The following SOCS5 variants were observed in gnomAD, a reference collection of about 807,000 sequenced individuals.
SOCS5 encodes the protein CIS-6.
SOCS5 carries 32 observed loss-of-function variants against 42.8 expected under a neutral mutation model. The observed-to-expected ratio is 0.75, with a 90% CI of 0.56 to 1.01. The LOEUF (loss-of-function observed/expected upper bound fraction) is 1.01. Among genes scored for constraint, SOCS5 ranks in the 50% least tolerant of loss-of-function variants. The pLI, the probability that SOCS5 is intolerant of heterozygous loss-of-function variation, is 0.00. For missense variants in SOCS5, 627 were observed against 653.0 expected (o/e 0.96, Z 0.43); for synonymous variants, 283 against 229.6 (o/e 1.23, Z -2.10).
At chr2:46,730,251 A>G (rs995049763) in intron 1 of SOCS5, among the ~76,000 whole-genome samples, 1 of 152,172 alleles carries the variant, frequency 6.6e-6, no homozygotes, top group Non-Finnish European at 1.5e-5. Flanking sequence ...AAGTTTCAGG[A>G]TATTAATACT....
chr2:46,702,641 T>A (rs1225125181), intron 1 of SOCS5, among the ~76,000 whole-genome samples: 1 of 152,218 alleles, frequency 6.6e-6, no homozygotes, highest in Non-Finnish European at 1.5e-5. Flanking sequence ...CCCTGTTTTC[T>A]ATTAAACGAA....
chr2:46,745,970 C>G (rs943102392), intron 1 of SOCS5, among the ~76,000 whole-genome samples: 6 of 152,036 alleles, frequency 3.9e-5, no homozygotes, highest in Non-Finnish European at 2.9e-5. Context: ...AATTATAATA[C>G]CGTTAACTGT....
At chr2:46,728,163 A>G (rs1673038491) in intron 1 of SOCS5, among the ~76,000 whole-genome samples, 1 of 152,158 alleles carries the variant, frequency 6.6e-6, no homozygotes, top group Non-Finnish European at 1.5e-5. Flanking sequence ...GTGGCAGGAT[A>G]CAAGAGGAGA....
At chr2:46,743,487 G>A (rs1227452450) in intron 1 of SOCS5, among the ~76,000 whole-genome samples, 1 of 152,148 alleles carries the variant, frequency 6.6e-6, no homozygotes, top group African/African-American at 2.4e-5. Flanking sequence ...CAGTGAGGAT[G>A]ACCAGAGATC....
At chr2:46,715,398 GA>G (rs1672716737) in intron 1 of SOCS5, among the ~76,000 whole-genome samples, 1 of 150,398 alleles carries the variant, frequency 6.6e-6, no homozygotes, top group Non-Finnish European at 1.5e-5. Context: ...AAAGAAAAAA[GA>G]AAAATGTCTT....
chr2:46,736,197 A>C (rs973044571), intron 1 of SOCS5, among the ~76,000 whole-genome samples: 1 of 152,014 alleles, frequency 6.6e-6, no homozygotes, highest in Non-Finnish European at 1.5e-5. Flanking sequence ...GTGTGCCACC[A>C]TGCCCAGCTA....
chr2:46,712,152 T>A (rs1344219306), intron 1 of SOCS5, among the ~76,000 whole-genome samples: 4 of 152,172 alleles, frequency 2.6e-5, no homozygotes, highest in Non-Finnish European at 4.4e-5. Flanking sequence ...AATCTATGAA[T>A]TGGAGAAAAT....
intron 1 of SOCS5, among the ~76,000 whole-genome samples, chr2:46,731,206 T>C (rs1673111686): frequency 6.6e-6 from 1 of 152,082 alleles, no homozygotes; most frequent in Non-Finnish European, 1.5e-5. Flanking sequence ...GGTGGAGCCT[T>C]TGAGAGGTGA....
At chr2:46,721,871 G>A (rs191281472) in intron 1 of SOCS5, among the ~76,000 whole-genome samples, 6 of 151,996 alleles carry the variant, frequency 3.9e-5, no homozygotes, top group Non-Finnish European at 5.9e-5. Flanking sequence ...ATCCCAGTCC[G>A]CATTCAAAGT....
At chr2:46,758,193 C>A (rs1452782849) in intron 1 of SOCS5, among the ~76,000 whole-genome samples, 1 of 152,150 alleles carries the variant, frequency 6.6e-6, no homozygotes, top group Non-Finnish European at 1.5e-5. Context: ...TTGTAATATT[C>A]AAATTAAGGA....
intron 1 of SOCS5, among the ~76,000 whole-genome samples, chr2:46,720,957 C>T (rs1672870710): frequency 6.6e-6 from 1 of 152,140 alleles, no homozygotes; most frequent in South Asian, 2.1e-4. Context: ...TGCAGACATC[C>T]TGAGTGAGTC....
intron 1 of SOCS5, among the ~76,000 whole-genome samples, chr2:46,707,525 T>C (rs1672523885): frequency 6.6e-6 from 1 of 152,216 alleles, no homozygotes; most frequent in Admixed American, 6.6e-5. Context: ...CTATTTGATT[T>C]TTCTAAACTA....
intron 1 of SOCS5, among the ~76,000 whole-genome samples, chr2:46,722,162 A>G (rs1208341903): frequency 2.6e-5 from 4 of 152,104 alleles, no homozygotes; most frequent in African/African-American, 7.2e-5. Flanking sequence ...AATAGCCTCT[A>G]TGGGTGGTTG....
At chr2:46,744,234 C>A (rs966635758) in intron 1 of SOCS5, among the ~76,000 whole-genome samples, 1 of 152,162 alleles carries the variant, frequency 6.6e-6, no homozygotes, top group African/African-American at 2.4e-5. Flanking sequence ...AAGTGATCCG[C>A]CTGCCTCGGC....
intron 1 of SOCS5, among the ~76,000 whole-genome samples, chr2:46,701,027 C>G (rs6737848): frequency 0.14 from 21,737 of 152,148 alleles, 2,115 homozygotes; most frequent in East Asian, 0.42. Context: ...TTGGCACCTT[C>G]TTAGTTCTTG....
chr2:46,734,423 T>C (rs1251745310), intron 1 of SOCS5, among the ~76,000 whole-genome samples: 4 of 152,146 alleles, frequency 2.6e-5, no homozygotes, highest in Admixed American at 2.0e-4. Flanking sequence ...TGCATACAGG[T>C]ATAGGCATAT....
intron 1 of SOCS5, among the ~76,000 whole-genome samples, chr2:46,738,619 G>A (rs1027838008): frequency 6.6e-6 from 1 of 152,156 alleles, no homozygotes; most frequent in African/African-American, 2.4e-5. Flanking sequence ...GGACCCAAGT[G>A]TGTTTCCCAT....
chr2:46,733,045 A>G (rs982869006), intron 1 of SOCS5, among the ~76,000 whole-genome samples: 2 of 151,820 alleles, frequency 1.3e-5, no homozygotes, highest in Non-Finnish European at 2.9e-5. Context: ...TACGTGGGTC[A>G]AAGGCCTGTT....
At position 46,740,982 on chromosome 2, in the gene SOCS5, T is replaced by C. The variant is rs6714751; in HGVS notation, c.-12-17537T>C. Among the ~76,000 whole-genome samples the C allele has an allele frequency of 3.4e-3, 511 of 152,278 alleles. 3 individuals carry two copies. The highest frequency in any genetic ancestry group is 0.012 in the African/African-American group (487 of 41,532). On this transcript the variant is annotated intron_variant, in intron 1 of 1. Coordinates refer to ENST00000394861, the MANE Select transcript of SOCS5 (RefSeq NM_144949.3). ...ATGAGTTGAAATTCATTAGTGATAT[T>C]ACTTACCACTAATTCCTAATACTGT...
Sources: gnomAD v4.1 joint callset for allele counts (sites outside exome capture counted in the v4.1 genomes callset) on GRCh38, gnomAD v4.1.1 for gene constraint, MANE v1.5 for transcripts, NCBI Gene and HGNC (gene_info 2026-07-23, HGNC 2026-07-21) for gene names.